TDRD9: variants seen among roughly 807,000 people sequenced by gnomAD.
TDRD9 encodes the protein ATP-dependent RNA helicase TDRD9.
TDRD9 carries 124 observed loss-of-function variants against 172.6 expected under a neutral mutation model. The observed-to-expected ratio is 0.72, with a 90% CI of 0.62 to 0.83. The LOEUF (loss-of-function observed/expected upper bound fraction) is 0.83, where lower values mean the gene tolerates loss of function less well. TDRD9 is among the 40% of genes least tolerant of loss of function. The probability of loss-of-function intolerance (pLI) is 0.00; values close to 1 mark genes in which losing one functional copy is unlikely to be tolerated. For missense variants in TDRD9, 1,479 were observed against 1,714.1 expected, an observed-to-expected ratio of 0.86 and a Z score of 2.42; for synonymous variants, 619 against 617.1, an observed-to-expected ratio of 1.00 and a Z score of -0.05.
intron 20 of TDRD9, among the ~76,000 whole-genome samples, chr14:104,012,126 G>A (rs554553105): frequency 5.6e-4 from 86 of 152,320 alleles, no homozygotes; most frequent in African/African-American, 1.9e-3. Context: ...GTACCCATGT[G>A]ACTGACTTTA....
intron 30 of TDRD9, 103 bp downstream of exon 30, chr14:104,032,190 G>A (rs1290079423): frequency 4.3e-6 from 3 of 694,950 alleles, no homozygotes; most frequent in Non-Finnish European, 2.3e-6. Context: ...GTTGGAATGT[G>A]TTATCTTTTC....
intron 32 of TDRD9, among the ~76,000 whole-genome samples, chr14:104,039,577 G>A (rs1286074333): frequency 6.6e-6 from 1 of 152,202 alleles, no homozygotes; most frequent in African/African-American, 2.4e-5. Flanking sequence ...TGGGGAATTG[G>A]TCGGAAAGTT....
At chr14:104,034,939 G>C (rs1428655668) in intron 31 of TDRD9, 21 bp from the exon 32 acceptor site, 1 of 1,544,052 alleles carries the variant, frequency 6.5e-7, no homozygotes, top group Non-Finnish European at 8.8e-7. Flanking sequence ...GCCCGATGTT[G>C]ATTTAGCATG....
chr14:103,941,405 A>G, intron 1 of TDRD9: 11 of 1,534,238 alleles, frequency 7.2e-6, no homozygotes, highest in Non-Finnish European at 9.6e-6. Flanking sequence ...ACCTGCTGAG[A>G]ATAGTTCCAG....
chr14:104,006,786 A>G lies in TDRD9; in HGVS notation c.1948A>G (p.Lys650Glu). The change falls in exon 18 of 36, where the codon AAA (lysine) becomes GAA (glutamate). Residue 650 changes from lysine to glutamate, a missense_variant. Lys to Glu is a moderately conservative substitution (Grantham distance 56, BLOSUM62 1). Transcript: ENST00000409874. ...FRQHLDGYRNKVNFSGSSKSD... is the reference protein window; with the variant it reads ...FRQHLDGYRNEVNFSGSSKSD... Reference sequence around the variant, plus strand: ...GACACTGTTATCTGTTTATAGGAACAAAGTGAATTTCTCTGGCAGTAGCAA... The same window carrying G: ...GACACTGTTATCTGTTTATAGGAACGAAGTGAATTTCTCTGGCAGTAGCAA... The G allele has an allele frequency of 6.2e-7, 1 of 1,613,688 alleles. No homozygotes were observed. Among genetic ancestry groups the G allele is most frequent in the Non-Finnish European group, 8.5e-7 (1 of 1,179,698 alleles).
chr14:103,961,769 T>G (rs2032523258), intron 2 of TDRD9, among the ~76,000 whole-genome samples: 1 of 152,008 alleles, frequency 6.6e-6, no homozygotes, highest in Admixed American at 6.5e-5. Flanking sequence ...TGTGGGAAAA[T>G]AGCCACATTT....
chr14:104,027,910 T>A (rs563292456), intron 28 of TDRD9, among the ~76,000 whole-genome samples: 1 of 151,514 alleles, frequency 6.6e-6, no homozygotes, highest in Non-Finnish European at 1.5e-5. Context: ...ATTATTTCAA[T>A]TTTTTTTTAG....
chr14:103,973,061 T>C (rs1438626092), intron 6 of TDRD9, among the ~76,000 whole-genome samples: 1 of 152,190 alleles, frequency 6.6e-6, no homozygotes, highest in African/African-American at 2.4e-5. Context: ...GTTAGTGGAT[T>C]AACAAAACCC....
intron 20 of TDRD9, among the ~76,000 whole-genome samples, chr14:104,013,448 G>A (rs2034676977): frequency 6.6e-6 from 1 of 152,216 alleles, no homozygotes; most frequent in African/African-American, 2.4e-5. Context: ...AAGCAAGGCT[G>A]TGGTCATGGC....
At chr14:103,965,609 A>T in intron 4 of TDRD9, 55 bp downstream of exon 4, 5 of 1,454,632 alleles carry the variant, frequency 3.4e-6, no homozygotes, top group Non-Finnish European at 4.7e-6. Context: ...TCTATTCCTT[A>T]ATTTTATTAA....
At position 104,020,900 on chromosome 14, in the gene TDRD9, C is replaced by T. The variant is rs916303023; in HGVS notation, c.2433-1257C>T. ...CCAGCAGGCACCTTTTGCTCCATGC[C>T]TGCTCCTCATGCCCCAGAGTGGGGC... On this transcript the variant is annotated intron_variant, in intron 23 of 35. Transcript: ENST00000409874. 1.2e-4 allele frequency among the ~76,000 whole-genome samples: 18 copies of T among 152,252 alleles called. No individual in the cohort carries two copies. In the East Asian group the frequency reaches 3.3e-3, roughly 28 times the overall value.
rs1175686908 is a variant in TDRD9, at chr14:103,956,098, AAAAAAAAAAAAAAATATATATAT to A, written c.322+330_322+352del. Among the ~76,000 whole-genome samples, 5 of 53,616 alleles carry A rather than the reference AAAAAAAAAAAAAAATATATATAT, an allele frequency of 9.3e-5. No individual in the cohort carries two copies. The East Asian group carries it at 1.9e-3, about 20-fold the overall frequency. 35.2% of individuals were successfully genotyped at this position (53,616 alleles called of 152,430 possible). On this transcript the variant is annotated intron_variant, in intron 2 of 35. Transcript: ENST00000409874. ...TCTCTTTAAAAAAAAAAAAAAAAAA[AAAAAAAAAAAAAAATATATATAT>A]ATATATATATATATATATATATATA...
At chr14:103,939,381 C>G (rs1333434067) in intron 1 of TDRD9, among the ~76,000 whole-genome samples, 1 of 152,192 alleles carries the variant, frequency 6.6e-6, no homozygotes, top group Non-Finnish European at 1.5e-5. Context: ...TTACTGTATT[C>G]ACTGCACAAT....
chr14:104,040,478 C>T, intron 33 of TDRD9, 144 bp downstream of exon 33: 9 of 889,560 alleles, frequency 1.0e-5, no homozygotes, highest in Non-Finnish European at 1.4e-5. Flanking sequence ...CTTGTCCCTC[C>T]TGGAGTCACC....
At chr14:104,039,393 T>C (rs1243675048) in intron 32 of TDRD9, among the ~76,000 whole-genome samples, 1 of 152,240 alleles carries the variant, frequency 6.6e-6, no homozygotes, top group East Asian at 1.9e-4. Flanking sequence ...GCGTGAGTTT[T>C]ACTGTAGTCA....
chr14:103,991,319 A>G (rs905095408), intron 9 of TDRD9, 95 bp downstream of exon 9: 3 of 1,277,722 alleles, frequency 2.3e-6, no homozygotes, highest in Non-Finnish European at 3.3e-6. Context: ...GGTATTCTCC[A>G]TAGGACTTTA....
In TDRD9 at chr14:104,019,911, C is replaced by T. The variant is rs532401170; in HGVS notation, c.2432+1719C>T. On this transcript the variant is annotated intron_variant, in intron 23 of 35. Coordinates refer to ENST00000409874, the MANE Select transcript of TDRD9 (RefSeq NM_153046.3). ...AGCAGTAACATTAATTTGAGACTTC[C>T]TCGGGTAGACGTCGGAGGGTTGTGA... 2.3e-3 allele frequency among the ~76,000 whole-genome samples: 353 copies of T among 152,296 alleles called. 4 individuals are homozygous for T. Among genetic ancestry groups the T allele is most frequent in the Non-Finnish European group, 4.0e-3 (270 of 68,030 alleles).
chr14:103,994,900 G>A (rs1019496461), intron 11 of TDRD9, among the ~76,000 whole-genome samples: 7 of 149,556 alleles, frequency 4.7e-5, no homozygotes, highest in Non-Finnish European at 8.9e-5. Flanking sequence ...GCAGTGACCC[G>A]AGATCACACT....
chr14:103,929,472 A>G (rs1456785067), intron 1 of TDRD9, among the ~76,000 whole-genome samples: 1 of 151,816 alleles, frequency 6.6e-6, no homozygotes, highest in African/African-American at 2.4e-5. Context: ...TGGATGTACC[A>G]CAGTTTATCT....
Sources: gnomAD v4.1 joint callset for allele counts (sites outside exome capture counted in the v4.1 genomes callset) on GRCh38, gnomAD v4.1.1 for gene constraint, MANE v1.5 for transcripts, NCBI Gene and HGNC (gene_info 2026-07-23, HGNC 2026-07-21) for gene names.